The following B3GALT1 variants were observed in gnomAD, a reference collection of about 807,000 sequenced individuals.
The protein encoded by B3GALT1 is beta-1,3-galactosyltransferase 1.
B3GALT1 carries 10 observed loss-of-function variants against 23.2 expected under a neutral mutation model. That is an observed-to-expected ratio of 0.43 (90% CI 0.27 to 0.73). The LOEUF is 0.73. Among genes scored for constraint, B3GALT1 ranks in the 30% least tolerant of loss-of-function variants. The pLI, the probability that B3GALT1 is intolerant of heterozygous loss-of-function variation, is 0.21. For synonymous variants in B3GALT1, 156 were observed against 141.5 expected (o/e 1.10, Z -0.73); for missense variants, 299 against 405.4 (o/e 0.74, Z 2.25).
chr2:167,338,151 TCACA>T (rs1330876873), intron 1 of B3GALT1, among the ~76,000 whole-genome samples: 2 of 152,174 alleles, frequency 1.3e-5, no homozygotes, highest in Non-Finnish European at 2.9e-5. Flanking sequence ...GTCAAAATGG[TCACA>T]CACAACAGCC....
intron 1 of B3GALT1, among the ~76,000 whole-genome samples, chr2:167,346,735 T>C (rs1281915177): frequency 6.3e-5 from 2 of 31,618 alleles, no homozygotes; most frequent in Non-Finnish European, 2.2e-4. Flanking sequence ...CTGAGTTGTT[T>C]GTGTGTGTGT....
intron 1 of B3GALT1, among the ~76,000 whole-genome samples, chr2:167,447,914 C>G (rs907399894): frequency 6.6e-6 from 1 of 152,064 alleles, no homozygotes; most frequent in African/African-American, 2.4e-5. Context: ...TTGGAAATGC[C>G]GAAATCACCC....
intron 1 of B3GALT1, among the ~76,000 whole-genome samples, chr2:167,480,509 C>G (rs112859619): frequency 0.013 from 2,015 of 152,298 alleles, 18 homozygotes; most frequent in Middle Eastern, 0.02. Context: ...TGACATCAAG[C>G]TAGAGTGACT....
intron 3 of B3GALT1, among the ~76,000 whole-genome samples, chr2:167,785,507 A>G (rs887868596): frequency 6.6e-6 from 1 of 152,206 alleles, no homozygotes; most frequent in African/African-American, 2.4e-5. Context: ...CGTTCTAATC[A>G]GGTTGTGTTG....
chr2:167,555,797 A>G lies in B3GALT1; in HGVS notation c.-410+65520A>G, dbSNP rs147586036. The stretch of plus-strand genomic sequence containing the variant: ...ACCATATGGCGTGTTAATATATCCT[A>G]TTTCCTTGGGGAATGCACTAAGGAT... On this transcript the variant is annotated intron_variant, in intron 2 of 4. Coordinates refer to ENST00000392690, the MANE Select transcript of B3GALT1 (RefSeq NM_020981.4). Among the ~76,000 whole-genome samples, 62 of 152,240 alleles carry G rather than the reference A, an allele frequency of 4.1e-4. No individual in the cohort carries two copies. The East Asian group carries it at 0.01, about 25-fold the overall frequency.
chr2:167,660,192 T>C (rs1430684719), intron 3 of B3GALT1, among the ~76,000 whole-genome samples: 1 of 152,096 alleles, frequency 6.6e-6, no homozygotes, highest in Admixed American at 6.6e-5. Context: ...GAGAGCTGTA[T>C]CTTTTCATAG....
At chr2:167,849,164 T>A (rs1051432094) in intron 4 of B3GALT1, among the ~76,000 whole-genome samples, 2 of 152,034 alleles carry the variant, frequency 1.3e-5, no homozygotes, top group African/African-American at 4.8e-5. Context: ...ACAAAAGCAA[T>A]CTACAAATTC....
At chr2:167,531,792 C>A (rs540448764) in intron 2 of B3GALT1, among the ~76,000 whole-genome samples, 1 of 152,210 alleles carries the variant, frequency 6.6e-6, no homozygotes, top group Admixed American at 6.5e-5. Flanking sequence ...TCCTTGCAAA[C>A]ATCTAATTTC....
intron 1 of B3GALT1, among the ~76,000 whole-genome samples, chr2:167,407,485 A>G (rs1357571502): frequency 6.6e-6 from 1 of 152,110 alleles, no homozygotes; most frequent in Non-Finnish European, 1.5e-5. Context: ...AAGAAATAAT[A>G]AAAATCAGAG....
intron 3 of B3GALT1, among the ~76,000 whole-genome samples, chr2:167,691,308 G>C (rs1397627924): frequency 6.6e-6 from 1 of 152,066 alleles, no homozygotes; most frequent in Non-Finnish European, 1.5e-5. Flanking sequence ...TCCTTCCCAT[G>C]TGGAATGGGC....
chr2:167,326,393 TTACTC>T (rs1173048229), intron 1 of B3GALT1, among the ~76,000 whole-genome samples: 2 of 152,140 alleles, frequency 1.3e-5, no homozygotes, highest in South Asian at 2.1e-4. Context: ...GGTTTTCTCT[TTACTC>T]TGTTGATTGT....
At chr2:167,312,204 G>A (rs1696642659) in intron 1 of B3GALT1, among the ~76,000 whole-genome samples, 1 of 151,836 alleles carries the variant, frequency 6.6e-6, no homozygotes, top group Non-Finnish European at 1.5e-5. Flanking sequence ...TCCCAGAGAC[G>A]TAGGAAGCAG....
chr2:167,677,676 T>C (rs1290112454), intron 3 of B3GALT1, among the ~76,000 whole-genome samples: 1 of 152,188 alleles, frequency 6.6e-6, no homozygotes, highest in African/African-American at 2.4e-5. Context: ...CTTTGTATTT[T>C]TTTTTCACTG....
intron 2 of B3GALT1, among the ~76,000 whole-genome samples, chr2:167,525,785 T>TA (rs1195571335): frequency 1.3e-5 from 2 of 151,496 alleles, no homozygotes; most frequent in African/African-American, 4.9e-5. Flanking sequence ...TTTTTTTTTT[T>TA]TTTTATTTTG....
intron 2 of B3GALT1, among the ~76,000 whole-genome samples, chr2:167,592,745 T>C (rs1684706728): frequency 6.6e-6 from 1 of 152,172 alleles, no homozygotes; most frequent in Non-Finnish European, 1.5e-5. Context: ...TTTCTGGCTC[T>C]AGACAAGTTA....
intron 1 of B3GALT1, among the ~76,000 whole-genome samples, chr2:167,485,872 A>G (rs954079751): frequency 1.3e-5 from 2 of 152,142 alleles, no homozygotes; most frequent in Admixed American, 6.5e-5. Context: ...CTTAAAATTT[A>G]CTCTCAGGAC....
chr2:167,421,056 A>G lies in B3GALT1; in HGVS notation c.-510-69121A>G, dbSNP rs548915299. The stretch of plus-strand genomic sequence containing the variant: ...TTTACTGAGTGGAACAATATAATGC[A>G]TTATAATAGGACATCATTGTGAGTA... On this transcript the variant is annotated intron_variant, in intron 1 of 4. Coordinates refer to ENST00000392690, the MANE Select transcript of B3GALT1 (RefSeq NM_020981.4). 3.9e-5 allele frequency among the ~76,000 whole-genome samples: 6 copies of G among 152,370 alleles called. No homozygotes were observed. In the South Asian group the frequency reaches 1.2e-3, roughly 32 times the overall value.
intron 1 of B3GALT1, among the ~76,000 whole-genome samples, chr2:167,377,683 C>G (rs775569127): frequency 6.6e-6 from 1 of 151,804 alleles, no homozygotes; most frequent in Non-Finnish European, 1.5e-5. Context: ...GTAGATCTTT[C>G]TCCAGCCCTT....
chr2:167,765,294 A>G (rs1306559798), intron 3 of B3GALT1, among the ~76,000 whole-genome samples: 1 of 152,184 alleles, frequency 6.6e-6, no homozygotes. Context: ...ATACGTGTAT[A>G]CAAACAACAA....
Sources: gnomAD v4.1 joint callset for allele counts (sites outside exome capture counted in the v4.1 genomes callset) on GRCh38, gnomAD v4.1.1 for gene constraint, MANE v1.5 for transcripts, NCBI Gene and HGNC (gene_info 2026-07-23, HGNC 2026-07-21) for gene names.